The following SPOCK1 variants were observed in gnomAD, a reference collection of about 807,000 sequenced individuals.
SPOCK1 encodes the protein testican-1.
A neutral mutation model predicts 55.3 loss-of-function variants in SPOCK1; 23 were observed. That is an observed-to-expected ratio of 0.42 (90% confidence interval 0.30 to 0.59). The LOEUF is 0.59. Ranked by LOEUF, SPOCK1 falls within the 20% of genes least tolerant of loss-of-function variation. The pLI, the probability that SPOCK1 is intolerant of heterozygous loss-of-function variation, is 0.22. For missense variants in SPOCK1, 499 were observed against 552.5 expected, an observed-to-expected ratio of 0.90 and a Z score of 0.97; for synonymous variants, 226 against 221.0, an observed-to-expected ratio of 1.02 and a Z score of -0.20.
intron 5 of SPOCK1, among the ~76,000 whole-genome samples, chr5:137,096,715 T>C (rs1297334832): frequency 6.6e-6 from 1 of 152,272 alleles, no homozygotes; most frequent in Non-Finnish European, 1.5e-5. Context: ...ACCCTCAGTC[T>C]GTAGTCATAG....
At chr5:137,494,039 T>C (rs1236790488) in intron 2 of SPOCK1, among the ~76,000 whole-genome samples, 1 of 152,194 alleles carries the variant, frequency 6.6e-6, no homozygotes, top group Non-Finnish European at 1.5e-5. Flanking sequence ...CACTCCACAG[T>C]AAGATAAATT....
Position 137,290,264 on chromosome 5 carries a change from TA to T in SPOCK1, c.187-23210del, listed in dbSNP as rs541164695. On this transcript the variant is annotated intron_variant, in intron 2 of 10. Coordinates refer to ENST00000394945, the MANE Select transcript of SPOCK1 (RefSeq NM_004598.4). ...TGTTCACACAACTGAATTTTACACA[TA>T]AAAAAAAATTGCTATGCATTACCAG... Among the ~76,000 whole-genome samples the T allele has an allele frequency of 1.8e-3, 267 of 151,736 alleles. 1 individual carries two copies. The highest frequency in any genetic ancestry group is 5.9e-3 in the African/African-American group (245 of 41,380).
intron 3 of SPOCK1, among the ~76,000 whole-genome samples, chr5:137,226,408 A>G (rs772591156): frequency 2.0e-5 from 3 of 152,206 alleles, no homozygotes; most frequent in Non-Finnish European, 4.4e-5. Flanking sequence ...TCATGCTGCA[A>G]AGGCATCCAC....
At chr5:137,161,363 C>G (rs1754554723) in intron 3 of SPOCK1, among the ~76,000 whole-genome samples, 7 of 151,744 alleles carry the variant, frequency 4.6e-5, no homozygotes. Context: ...AAACCTAATG[C>G]TTTACACAAA....
At chr5:137,264,188 T>C (rs1561487933) in intron 3 of SPOCK1, among the ~76,000 whole-genome samples, 3 of 151,998 alleles carry the variant, frequency 2.0e-5, no homozygotes, top group Non-Finnish European at 4.4e-5. Context: ...CATGAAGAAG[T>C]TACCCAAGAG....
At chr5:137,236,886 A>G (rs974717635) in intron 3 of SPOCK1, among the ~76,000 whole-genome samples, 1 of 152,180 alleles carries the variant, frequency 6.6e-6, no homozygotes, top group East Asian at 1.9e-4. Context: ...TCAGCAAACT[A>G]TACTTGGTCA....
intron 2 of SPOCK1, among the ~76,000 whole-genome samples, chr5:137,393,379 G>T (rs1401581617): frequency 6.6e-6 from 1 of 152,198 alleles, no homozygotes; most frequent in Non-Finnish European, 1.5e-5. Context: ...GCTTCTAGGA[G>T]ATGAGACACA....
chr5:137,250,468 T>A (rs1756487431), intron 3 of SPOCK1, among the ~76,000 whole-genome samples: 1 of 152,176 alleles, frequency 6.6e-6, no homozygotes, highest in Non-Finnish European at 1.5e-5. Context: ...CTTCTCACAT[T>A]TTAACATTGA....
chr5:137,359,576 A>C (rs996811651), intron 2 of SPOCK1, among the ~76,000 whole-genome samples: 6 of 152,162 alleles, frequency 3.9e-5, no homozygotes, highest in African/African-American at 1.4e-4. Context: ...GATAGTGCTA[A>C]CTCTCACATT....
chr5:137,366,025 T>C (rs1399554669), intron 2 of SPOCK1, among the ~76,000 whole-genome samples: 2 of 152,190 alleles, frequency 1.3e-5, no homozygotes, highest in Non-Finnish European at 2.9e-5. Flanking sequence ...GCTCTGAGCA[T>C]GGCATGGACT....
At chr5:137,058,758 G>A (rs528401415) in intron 6 of SPOCK1, among the ~76,000 whole-genome samples, 1 of 152,282 alleles carries the variant, frequency 6.6e-6, no homozygotes, top group East Asian at 1.9e-4. Flanking sequence ...GGTGGTTGAC[G>A]GAGTGGCCCC....
intron 2 of SPOCK1, among the ~76,000 whole-genome samples, chr5:137,426,462 G>A (rs1444893502): frequency 6.6e-6 from 1 of 152,154 alleles, no homozygotes; most frequent in Non-Finnish European, 1.5e-5. Flanking sequence ...GGGCTTTTCA[G>A]GGCTGAGCTT....
At chr5:137,387,881 A>G (rs1039344385) in intron 2 of SPOCK1, among the ~76,000 whole-genome samples, 1 of 152,124 alleles carries the variant, frequency 6.6e-6, no homozygotes. Context: ...AATAAAGTAT[A>G]TTTAACAAAT....
At chr5:137,447,222 T>C (rs913167488) in intron 2 of SPOCK1, among the ~76,000 whole-genome samples, 4 of 152,202 alleles carry the variant, frequency 2.6e-5, no homozygotes, top group Non-Finnish European at 5.9e-5. Context: ...CTAATATAAA[T>C]TATTGCTCCT....
At chr5:137,370,848 G>A (rs1423566607) in intron 2 of SPOCK1, among the ~76,000 whole-genome samples, 3 of 152,352 alleles carry the variant, frequency 2.0e-5, no homozygotes, top group East Asian at 3.9e-4. Context: ...CCTCTCCAGG[G>A]TCTTGGGAAA....
rs571541913 is a variant in SPOCK1, at chr5:137,404,240, C to G, written c.186+94133G>C. Among the ~76,000 whole-genome samples the G allele has an allele frequency of 3.9e-5, 6 of 152,304 alleles. No homozygotes were observed. In the South Asian group the frequency reaches 8.3e-4, roughly 21 times the overall value. ...CACGGCAAGTGCACACCAGCCCCGTCAGAAGGGGCAGCTGCTACGACAGCC... is the reference window on the plus strand; with the variant it reads ...CACGGCAAGTGCACACCAGCCCCGTGAGAAGGGGCAGCTGCTACGACAGCC... On this transcript the variant is annotated intron_variant, in intron 2 of 10. Transcript: ENST00000394945.
chr5:137,125,730 G>A (rs1055495169), intron 4 of SPOCK1, among the ~76,000 whole-genome samples: 3 of 152,126 alleles, frequency 2.0e-5, no homozygotes, highest in African/African-American at 4.8e-5. Context: ...CCCCAAACAC[G>A]ATAAGATGGA....
chr5:137,475,656 C>T (rs1279117363), intron 2 of SPOCK1, among the ~76,000 whole-genome samples: 1 of 152,092 alleles, frequency 6.6e-6, no homozygotes, highest in Admixed American at 6.6e-5. Context: ...AACCATGGCT[C>T]ACTGCAGCCT....
chr5:137,491,556 G>A (rs895091054), intron 2 of SPOCK1, among the ~76,000 whole-genome samples: 1 of 152,138 alleles, frequency 6.6e-6, no homozygotes, highest in Non-Finnish European at 1.5e-5. Flanking sequence ...TGTGGTAAAG[G>A]TCTGAGGACA....
Sources: allele counts gnomAD v4.1 joint callset (sites outside exome capture counted in the v4.1 genomes callset), GRCh38; gene constraint gnomAD v4.1.1; transcripts MANE v1.5; gene names NCBI Gene and HGNC (gene_info 2026-07-23, HGNC 2026-07-21).